The following TCF12 variants were observed in gnomAD, a reference collection of about 807,000 sequenced individuals.
The protein encoded by TCF12 is transcription factor 12, also known as DNA-binding protein HTF4.
In TCF12, 45 loss-of-function variants were observed where a neutral mutation model predicts 86.0. That is an observed-to-expected ratio of 0.52 (90% CI 0.41 to 0.67). TCF12 has a LOEUF of 0.67. TCF12 is among the 30% of genes least tolerant of loss of function. The pLI is 0.00. For missense variants in TCF12, 881 were observed against 859.9 expected (o/e 1.02, Z -0.31); for synonymous variants, 330 against 299.6 (o/e 1.10, Z -1.05).
At chr15:57,109,343 G>C (rs915536010) in intron 5 of TCF12, 7 of 152,014 alleles carry the variant, frequency 4.6e-5, no homozygotes, top group Non-Finnish European at 8.8e-5. Context: ...TTTATGAAGG[G>C]AATGAGACAT....
chr15:57,091,742 G>T, intron 4 of TCF12, 47 bp from the exon 5 acceptor site: 2 of 1,414,926 alleles, frequency 1.4e-6, no homozygotes, highest in Non-Finnish European at 2.0e-6. Context: ...CAATTAGCGG[G>T]ACTGCCAAAT....
intron 13 of TCF12, chr15:57,248,038 T>C: frequency 1.4e-6 from 1 of 704,412 alleles, no homozygotes. Context: ...CGGTTTTACC[T>C]CCATTTTGAG....
chr15:57,243,114 A>G (rs1289795702), intron 12 of TCF12, among the ~76,000 whole-genome samples: 1 of 152,088 alleles, frequency 6.6e-6, no homozygotes, highest in African/African-American at 2.4e-5. Flanking sequence ...TGAGGTGATT[A>G]TTTTTAAAGA....
At chr15:57,264,194 G>GTTTTTTTTTTTTT (rs1567013145) in intron 18 of TCF12, among the ~76,000 whole-genome samples, 2 of 15,458 alleles carry the variant, frequency 1.3e-4, no homozygotes, top group African/African-American at 3.8e-4. Flanking sequence ...TCTTTTGTAA[G>GTTTTTTTTTTTTT]CTTTTTTTTT....
intron 5 of TCF12, among the ~76,000 whole-genome samples, chr15:57,147,184 AT>A (rs1228074824): frequency 2.0e-5 from 3 of 152,226 alleles, no homozygotes; most frequent in Non-Finnish European, 2.9e-5. Context: ...AGTGAAATAA[AT>A]GCAATCATTT....
rs528871688 is a variant in TCF12 at position 57,243,390 on chromosome 15, T to G, written c.1036-82T>G. 1.4e-5 allele frequency: 18 copies of G among 1,268,900 alleles called. No individual in the cohort carries two copies. In the East Asian group the frequency reaches 4.2e-4, roughly 30 times the overall value. 78.6% of individuals were successfully genotyped at this position (1,268,900 alleles called of 1,614,324 possible). A position where few individuals can be genotyped will look rare whatever the true frequency, so the allele number is the denominator to read the frequency against. On this transcript the variant is annotated intron_variant, in intron 12 of 20. Coordinates refer to ENST00000333725, the MANE Select transcript of TCF12 (RefSeq NM_207037.2). ...AGTCTTAGGGGTGACAACTAGATTA[T>G]AAAAATAACTCCATGTGAACGGATT...
chr15:57,224,752 T>G (rs1289807702), intron 8 of TCF12, among the ~76,000 whole-genome samples: 1 of 152,186 alleles, frequency 6.6e-6, no homozygotes. Context: ...TTACAGAATT[T>G]CAAGTTGTAT....
intron 5 of TCF12, among the ~76,000 whole-genome samples, chr15:57,122,669 A>G (rs1329130820): frequency 6.6e-6 from 1 of 152,228 alleles, no homozygotes; most frequent in African/African-American, 2.4e-5. Flanking sequence ...CCACCAGAAG[A>G]GCCAATTCAT....
chr15:57,015,060 A>G (rs1055394775), intron 3 of TCF12, among the ~76,000 whole-genome samples: 1 of 152,074 alleles, frequency 6.6e-6, no homozygotes, highest in African/African-American at 2.4e-5. Flanking sequence ...GATGTGAGGC[A>G]GGCAGATTGC....
At chr15:57,262,732 T>G (rs1450951053) in intron 17 of TCF12, among the ~76,000 whole-genome samples, 1 of 152,206 alleles carries the variant, frequency 6.6e-6, no homozygotes, top group Non-Finnish European at 1.5e-5. Context: ...CAGTTACATT[T>G]AACCATGATG....
chr15:57,265,150 A>G (rs543457307), intron 18 of TCF12, among the ~76,000 whole-genome samples: 251 of 151,552 alleles, frequency 1.7e-3, no homozygotes, highest in African/African-American at 5.6e-3. Context: ...ACATAAACCA[A>G]TAACATAATT....
At chr15:57,040,050 A>T (rs546738672) in intron 3 of TCF12, among the ~76,000 whole-genome samples, 1 of 152,302 alleles carries the variant, frequency 6.6e-6, no homozygotes, top group Admixed American at 6.5e-5. Context: ...TTCTTTCCTG[A>T]ATAAGAACTT....
At chr15:57,077,080 G>T (rs1413522207) in intron 4 of TCF12, among the ~76,000 whole-genome samples, 3 of 152,152 alleles carry the variant, frequency 2.0e-5, no homozygotes, top group Non-Finnish European at 4.4e-5. Context: ...GTATCAGGTA[G>T]TGTAAGTCTT....
chr15:56,995,954 G>A (rs2063692835), intron 3 of TCF12, among the ~76,000 whole-genome samples: 1 of 152,108 alleles, frequency 6.6e-6, no homozygotes, highest in African/African-American at 2.4e-5. Context: ...TTTGAGTTAT[G>A]TTCCTTCAAG....
intron 3 of TCF12, among the ~76,000 whole-genome samples, chr15:56,961,165 C>T (rs2061735232): frequency 6.6e-6 from 1 of 151,604 alleles, no homozygotes; most frequent in African/African-American, 2.4e-5. Flanking sequence ...TAAATAAGTA[C>T]CTACAGTATG....
chr15:57,198,807 G>A (rs768854149), intron 8 of TCF12, among the ~76,000 whole-genome samples: 1 of 152,148 alleles, frequency 6.6e-6, no homozygotes, highest in Non-Finnish European at 1.5e-5. Context: ...GCTCATCGAA[G>A]TATAGACTGA....
chr15:57,013,008 G>T (rs983281824), intron 3 of TCF12, among the ~76,000 whole-genome samples: 10 of 151,616 alleles, frequency 6.6e-5, no homozygotes, highest in Non-Finnish European at 1.2e-4. Context: ...AAATTGTTTT[G>T]GGATCATTAT....
intron 3 of TCF12, among the ~76,000 whole-genome samples, chr15:57,054,068 G>A (rs956770077): frequency 1.3e-5 from 2 of 152,104 alleles, no homozygotes; most frequent in Non-Finnish European, 2.9e-5. Context: ...TGGCAGTTTT[G>A]TACTATGAGG....
chr15:56,984,332 A>G (rs1411187094), intron 3 of TCF12, among the ~76,000 whole-genome samples: 1 of 144,116 alleles, frequency 6.9e-6, no homozygotes, highest in Non-Finnish European at 1.5e-5. Context: ...TGGTTGGGAC[A>G]AGGGGAGTGG....
Sources: allele counts gnomAD v4.1 joint callset (sites outside exome capture counted in the v4.1 genomes callset), GRCh38; gene constraint gnomAD v4.1.1; transcripts MANE v1.5; gene names NCBI Gene and HGNC (gene_info 2026-07-23, HGNC 2026-07-21).